Variants in DPP6 observed in about 807,000 individuals in gnomAD.
The protein encoded by DPP6 is A-type potassium channel modulatory protein DPP6.
A neutral mutation model predicts 122.6 loss-of-function variants in DPP6; 69 were observed. The observed-to-expected ratio is 0.56, with a 90% CI of 0.46 to 0.69. The LOEUF is 0.69. DPP6 is among the 30% of genes least tolerant of loss of function. The pLI is 0.00. For missense variants in DPP6, 928 were observed against 1,116.9 expected (o/e 0.83, Z 2.41); for synonymous variants, 418 against 433.1 (o/e 0.97, Z 0.43).
chr7:154,024,789 C>A (rs1371337525), intron 1 of DPP6, among the ~76,000 whole-genome samples: 3 of 152,224 alleles, frequency 2.0e-5, no homozygotes, highest in Non-Finnish European at 4.4e-5. Flanking sequence ...GATCTGCATG[C>A]TGCCACCTTT....
chr7:154,454,970 G>A (rs1231185238), intron 2 of DPP6, among the ~76,000 whole-genome samples: 1 of 152,128 alleles, frequency 6.6e-6, no homozygotes, highest in African/African-American at 2.4e-5. Context: ...TGTTCCAATT[G>A]CAGGTGTCCG....
chr7:154,006,547 T>C (rs1201267474), intron 1 of DPP6, among the ~76,000 whole-genome samples: 1 of 152,204 alleles, frequency 6.6e-6, no homozygotes, highest in Non-Finnish European at 1.5e-5. Flanking sequence ...CAAAGGATTG[T>C]GTAATTCGAT....
At chr7:154,766,721 T>TA (rs1483126242) in intron 8 of DPP6, among the ~76,000 whole-genome samples, 5 of 152,202 alleles carry the variant, frequency 3.3e-5, no homozygotes, top group Non-Finnish European at 5.9e-5. Context: ...TCGATGGAAA[T>TA]AGAGTATTCT....
Position 154,892,450 on chromosome 7 carries a change from C to A in DPP6, c.2568C>A (p.Val856=), listed in dbSNP as rs908755823. Residue 856 remains valine (V), a synonymous_variant, in exon 26 of 26, where the codon GTC becomes GTA. Transcript: ENST00000377770. The part of the protein sequence containing the change: ...CFRIQDKLLT[V]TAKEDEEED The stretch of plus-strand genomic sequence containing the variant: ...GGATCCAGGACAAACTGCTGACAGT[C>A]ACAGCGAAAGAGGACGAGGAGGAGG... 3.7e-6 allele frequency: 6 copies of A among 1,613,904 alleles called. No homozygotes were observed. In the African/African-American group the frequency reaches 8.0e-5, roughly 22 times the overall value.
intron 1 of DPP6, among the ~76,000 whole-genome samples, chr7:153,940,221 C>G (rs964302819): frequency 3.3e-5 from 5 of 152,144 alleles, no homozygotes; most frequent in African/African-American, 1.2e-4. Context: ...CTGGTGCTGA[C>G]CTAGCCATGA....
At chr7:154,440,293 G>A (rs965166506) in intron 1 of DPP6, among the ~76,000 whole-genome samples, 3 of 152,086 alleles carry the variant, frequency 2.0e-5, no homozygotes, top group African/African-American at 7.3e-5. Context: ...TCACATGGAG[G>A]CGGCATTAAT....
intron 7 of DPP6, among the ~76,000 whole-genome samples, chr7:154,691,535 C>T (rs1253350467): frequency 1.3e-5 from 2 of 152,260 alleles, no homozygotes; most frequent in Non-Finnish European, 2.9e-5. Flanking sequence ...GAAAATAAAG[C>T]AGCCGGGCGC....
chr7:153,824,694 T>TAAAAAA, the DPP6 span, among the ~76,000 whole-genome samples: 2 of 147,372 alleles, frequency 1.4e-5, no homozygotes, highest in African/African-American at 5.2e-5. Context: ...CAAAAAAACA[T>TAAAAAA]AAAAATAAAA....
intron 5 of DPP6, among the ~76,000 whole-genome samples, chr7:154,575,749 GGTGTGTATGTATGTGTGGT>G (rs1354601037): frequency 1.8e-4 from 27 of 146,358 alleles, no homozygotes; most frequent in Admixed American, 9.6e-4. Flanking sequence ...ATGTGTGTGT[GGTGTGTATGTATGTGTGGT>G]GTGTGTATGT....
chr7:154,170,684 G>A (rs1213039040), intron 1 of DPP6, among the ~76,000 whole-genome samples: 7 of 152,200 alleles, frequency 4.6e-5, no homozygotes, highest in Admixed American at 1.3e-4. Flanking sequence ...GAAACAGGAC[G>A]CAAGGACTGT....
intron 1 of DPP6, among the ~76,000 whole-genome samples, chr7:154,006,964 C>T (rs1039600127): frequency 3.3e-5 from 5 of 152,236 alleles, no homozygotes; most frequent in African/African-American, 7.2e-5. Context: ...TCTCCTACAG[C>T]TGCTCCCCTG....
At chr7:154,626,176 G>C (rs1319324094) in intron 5 of DPP6, among the ~76,000 whole-genome samples, 3 of 152,124 alleles carry the variant, frequency 2.0e-5, no homozygotes, top group Non-Finnish European at 4.4e-5. Flanking sequence ...CAATGCTATG[G>C]CTGATTTCAT....
chr7:153,841,569 G>A, the DPP6 span, among the ~76,000 whole-genome samples: 1 of 152,128 alleles, frequency 6.6e-6, no homozygotes, highest in Non-Finnish European at 1.5e-5. Context: ...ATAATGGGAT[G>A]GTTTGAGTCA....
rs140386598 is a variant in DPP6, at chr7:154,242,304, G to A, written c.243+189241G>A. ...CACCGTACTCCATAAATAACTAATA[G>A]TGTGAAGCAGAGATCAGATCAACTG... On this transcript the variant is annotated intron_variant, in intron 1 of 25. Transcript: ENST00000377770. Among the ~76,000 whole-genome samples the A allele has an allele frequency of 3.5e-3, 535 of 152,276 alleles. 4 individuals are homozygous for A. The highest frequency in any genetic ancestry group is 0.012 in the African/African-American group (515 of 41,558).
intron 16 of DPP6, among the ~76,000 whole-genome samples, chr7:154,810,498 C>G (rs1343015377): frequency 6.6e-6 from 1 of 152,140 alleles, no homozygotes; most frequent in Non-Finnish European, 1.5e-5. Flanking sequence ...TGCCACTGGC[C>G]TTCTGTCCCA....
chr7:153,930,688 C>CT (rs2129012925), intron 1 of DPP6, among the ~76,000 whole-genome samples: 1 of 152,326 alleles, frequency 6.6e-6, no homozygotes, highest in Admixed American at 6.5e-5. Context: ...GGTTCACCTG[C>CT]TGGCTCTCAC....
upstream of DPP6, among the ~76,000 whole-genome samples, chr7:154,048,279 A>G (rs1261576577): frequency 2.0e-5 from 2 of 98,412 alleles, 1 homozygote; most frequent in Non-Finnish European, 4.1e-5. Flanking sequence ...GACCCAATTC[A>G]TACTTTAACT....
intron 3 of DPP6, among the ~76,000 whole-genome samples, chr7:154,496,811 C>T (rs1020471931): frequency 2.6e-5 from 4 of 152,316 alleles, no homozygotes; most frequent in Middle Eastern, 3.4e-3. Flanking sequence ...GAAGTGTTCA[C>T]GTGACACCTG....
At chr7:154,427,544 T>G (rs976846954) in intron 1 of DPP6, among the ~76,000 whole-genome samples, 1 of 152,258 alleles carries the variant, frequency 6.6e-6, no homozygotes, top group African/African-American at 2.4e-5. Context: ...ACATGAATCT[T>G]AACAGAAGTT....
Sources: gnomAD v4.1 joint callset for allele counts (sites outside exome capture counted in the v4.1 genomes callset) on GRCh38, gnomAD v4.1.1 for gene constraint, MANE v1.5 for transcripts, NCBI Gene and HGNC (gene_info 2026-07-23, HGNC 2026-07-21) for gene names.